Variants in ITGA10 observed in about 807,000 individuals in gnomAD.
ITGA10 encodes integrin alpha-10.
Under a neutral mutation model 145.2 loss-of-function variants are expected in ITGA10, and 105 were observed. The ratio of observed to expected loss-of-function variants is 0.72; its 90% CI spans 0.62 to 0.85. The LOEUF is 0.85. Ranked by LOEUF, ITGA10 falls within the 40% of genes least tolerant of loss-of-function variation. The pLI is 0.00. For synonymous variants in ITGA10, 506 were observed against 557.8 expected, an observed-to-expected ratio of 0.91 and a Z score of 1.31; for missense variants, 1,317 against 1,444.5, an observed-to-expected ratio of 0.91 and a Z score of 1.43.
chr1:145,894,177 T>C (rs1655073868), intron 27 of ITGA10, among the ~76,000 whole-genome samples: 1 of 149,946 alleles, frequency 6.7e-6, no homozygotes, highest in African/African-American at 2.5e-5. Context: ...AGTGGCGTGA[T>C]CTCGGCTCAC....
At position 145,893,585 on chromosome 1, in the gene ITGA10, T is replaced by G; in HGVS notation, c.3279A>C (p.Glu1093Asp). Residue 1093 changes from glutamate to aspartate, a missense_variant, in exon 28 of 30, where the codon GAA (glutamate) becomes GAC (aspartate). Glu to Asp is a conservative substitution (Grantham distance 45, BLOSUM62 2). Coordinates refer to ENST00000369304, the MANE Select transcript of ITGA10 (RefSeq NM_003637.5). The part of the protein sequence containing the change: ...TVVSTFELGT[E>D]EGSVLQLTEA... Reference sequence around the variant, plus strand: ...CAGTCAGCTGTAGGACACTGCCCTCTTCGGTTCCCAGCTCAAAGGTGCTGA... The same window carrying G: ...CAGTCAGCTGTAGGACACTGCCCTCGTCGGTTCCCAGCTCAAAGGTGCTGA... 7 of 1,613,490 alleles carry G rather than the reference T, an allele frequency of 4.3e-6. No individual in the cohort carries two copies. The highest frequency in any genetic ancestry group is 5.9e-6 in the Non-Finnish European group (7 of 1,179,778).
At chr1:145,906,343 C>T in intron 5 of ITGA10, 51 bp downstream of exon 5, 1 of 1,405,792 alleles carries the variant, frequency 7.1e-7, no homozygotes, top group Non-Finnish European at 1.0e-6. Flanking sequence ...ATCTTTTTCC[C>T]ACCCAGTATC....
At chr1:145,898,899 A>G (rs1553746444) in intron 17 of ITGA10, 37 bp downstream of exon 17, 5 of 1,588,218 alleles carry the variant, frequency 3.1e-6, no homozygotes, top group Non-Finnish European at 4.3e-6. Flanking sequence ...CCTCATTCTC[A>G]GGCCCTGATG....
In ITGA10 at chr1:145,901,039, C is replaced by T; in HGVS notation, c.1588-46G>A. The T allele has an allele frequency of 6.2e-7, 1 of 1,613,128 alleles. No homozygotes were observed. The highest frequency in any genetic ancestry group is 8.5e-7 in the Non-Finnish European group (1 of 1,179,234). ...GAAGATGCTAATCTGGCAGACCCAA[C>T]CTCTCAGCAAACCCTCAAATATGTG... On this transcript the variant is annotated intron_variant, in intron 13 of 29. Coordinates refer to ENST00000369304, the MANE Select transcript of ITGA10 (RefSeq NM_003637.5). The surrounding 1 kb of genome is among the most constrained non-coding windows in gnomAD (Gnocchi z 4.3).
In ITGA10 at chr1:145,892,752, C is replaced by T. The variant is rs782146950; in HGVS notation, c.*46G>A. 2 of 1,454,790 alleles carry T rather than the reference C, an allele frequency of 1.4e-6. No homozygotes were observed. Among genetic ancestry groups the T allele is most frequent in the South Asian group, 2.3e-5 (2 of 87,440 alleles). The allele number at this position is 1,454,790 out of a possible 1,614,324, so 90.1% of individuals were successfully genotyped here. On this transcript the variant is annotated 3_prime_UTR_variant, in exon 30 of 30. Coordinates refer to ENST00000369304, the MANE Select transcript of ITGA10 (RefSeq NM_003637.5). Reference sequence around the variant, plus strand: ...CAAACCTCTGCTTTTATGCAAGTCTCTTGAAGAAGCTGCCAGGGAGGACTT... The same window carrying T: ...CAAACCTCTGCTTTTATGCAAGTCTTTTGAAGAAGCTGCCAGGGAGGACTT...
At position 145,892,260 on chromosome 1, in the gene ITGA10, T is replaced by C. The variant is rs1553743397; in HGVS notation, c.*538A>G. ...GTGGCTTTTCCTCCTCCCTCCTTTT[T>C]TCCTGTTGACTCTCCCCATCCGGCT... On this transcript the variant is annotated 3_prime_UTR_variant, in exon 30 of 30. Coordinates refer to ENST00000369304, the MANE Select transcript of ITGA10 (RefSeq NM_003637.5). 6.5e-6 allele frequency: 1 copy of C among 153,382 alleles called. No individual in the cohort carries two copies. Among genetic ancestry groups the C allele is most frequent in the Admixed American group, 6.5e-5 (1 of 15,332 alleles). 9.5% of individuals were successfully genotyped at this position (153,382 alleles called of 1,614,324 possible).
rs1275558868 is a variant in ITGA10, at chr1:145,892,481, CA to C, written c.*316del. 1.5e-5 allele frequency: 4 copies of C among 263,684 alleles called. No homozygotes were observed. The highest frequency in any genetic ancestry group is 1.5e-4 in the East Asian group (2 of 13,668). The allele number at this position is 263,684 out of a possible 1,614,324, so 16.3% of individuals were successfully genotyped here. On this transcript the variant is annotated 3_prime_UTR_variant, in exon 30 of 30. Coordinates refer to ENST00000369304, the MANE Select transcript of ITGA10 (RefSeq NM_003637.5). ...ATCTGAAAGGAGTCAGGCACCTAGG[CA>C]AAAAAATTATTGATTCCTGGGGATA...
intron 27 of ITGA10, among the ~76,000 whole-genome samples, chr1:145,894,194 C>T (rs782665138): frequency 1.3e-5 from 2 of 149,854 alleles, no homozygotes; most frequent in Non-Finnish European, 3.0e-5. Flanking sequence ...TCACTGCAAA[C>T]TCCATCTCTC....
chr1:145,898,371 T>G, intron 17 of ITGA10, 148 bp from the exon 18 acceptor site: 1 of 282,518 alleles, frequency 3.5e-6, no homozygotes, highest in East Asian at 6.6e-5. Flanking sequence ...ATTTATTTAT[T>G]TATTTATTTA....
Position 145,893,652 on chromosome 1 carries a change from T to G in ITGA10, c.3229-17A>C, listed in dbSNP as rs1423388915. ...GAACTTGGCCTATGGAACAAGTGGA[T>G]AGGAAGACATTTAAAATGAGCCATT... is the stretch of plus-strand genomic sequence containing the variant. On this transcript the variant is annotated splice_polypyrimidine_tract_variant and intron_variant, in intron 27 of 29. Coordinates refer to ENST00000369304, the MANE Select transcript of ITGA10 (RefSeq NM_003637.5). 1.3e-6 allele frequency: 2 copies of G among 1,587,978 alleles called. No individual in the cohort carries two copies. The highest frequency in any genetic ancestry group is 2.7e-5 in the African/African-American group (2 of 74,264).
intron 1 of ITGA10, among the ~76,000 whole-genome samples, chr1:145,909,571 AATAT>A (rs1342349555): frequency 5.7e-4 from 77 of 135,648 alleles, no homozygotes; most frequent in African/African-American, 2.0e-3. Context: ...TATTATATAT[AATAT>A]ATAATTATGT....
At chr1:145,895,437 G>T in intron 26 of ITGA10, 44 bp from the exon 27 acceptor site, 5 of 1,520,520 alleles carry the variant, frequency 3.3e-6, no homozygotes, top group Non-Finnish European at 4.6e-6. Flanking sequence ...CTCTGGGGTA[G>T]AAACATCCTC....
rs782643200 is a variant in ITGA10 at position 145,901,941 on chromosome 1, G to T, written c.1230C>A (p.Phe410Leu). The T allele has an allele frequency of 6.2e-7, 1 of 1,614,134 alleles. No individual in the cohort carries two copies. Among genetic ancestry groups the T allele is most frequent in the East Asian group, 2.2e-5 (1 of 44,884 alleles). Residue 410 changes from phenylalanine (F) to leucine (L), a missense_variant, in exon 11 of 30, where the codon TTC (phenylalanine) becomes TTA (leucine). By Grantham distance (22) the Phe-to-Leu change is conservative (BLOSUM62 0). Coordinates refer to ENST00000369304, the MANE Select transcript of ITGA10 (RefSeq NM_003637.5). This position sits in a 1 kb window ranked among gnomAD's most constrained non-coding sequence, Gnocchi z 4.3. ...VLWLEGGHRLFPPRMALEDEF... is the reference protein window; with the variant it reads ...VLWLEGGHRLLPPRMALEDEF... ...CGTCTTCCAGTGCCATTCGTGGGGG[G>T]AAAAGGCGGTGGCCTCCTTCAAGCC...
rs1291903078 is a variant in ITGA10, at chr1:145,906,459, G to A, written c.416C>T (p.Ser139Phe). Residue 139 changes from serine (S) to phenylalanine (F), a missense_variant, in exon 5 of 30, where the codon TCT becomes TTT. By Grantham distance (155) the Ser-to-Phe change is radical (BLOSUM62 -2). Coordinates refer to ENST00000369304, the MANE Select transcript of ITGA10 (RefSeq NM_003637.5). ...AGCATCCACACGGGCACATATCCCA[G>A]AACTGAAGACAGAGCTGCCACAAGC... The part of the protein sequence containing the change: ...SRACGSSVFS[S>F]GICARVDASF... The A allele has an allele frequency of 6.2e-7, 1 of 1,613,984 alleles. No homozygotes were observed. The highest frequency in any genetic ancestry group is 1.3e-5 in the African/African-American group (1 of 74,902).
chr1:145,892,958 G>A lies in ITGA10; in HGVS notation c.3439-95C>T, dbSNP rs1407805734. ...TATCTGAGGTCTTCACTTTTGTTCT[G>A]TTTCCAAAAATGGAATTCAAATTTA... On this transcript the variant is annotated intron_variant, in intron 29 of 29. Transcript: ENST00000369304. The A allele has an allele frequency of 2.8e-6, 3 of 1,065,722 alleles. No individual in the cohort carries two copies. The Admixed American group carries it at 6.0e-5, about 21-fold the overall frequency. 66.0% of individuals were successfully genotyped at this position (1,065,722 alleles called of 1,614,324 possible).
chr1:145,896,241 C>A (rs1553745017), intron 24 of ITGA10, 27 bp downstream of exon 24: 1 of 1,582,266 alleles, frequency 6.3e-7, no homozygotes, highest in Non-Finnish European at 8.7e-7. Flanking sequence ...ACATTCTCCT[C>A]ATGCCAAGAC....
chr1:145,907,521 C>A (rs1657324655), intron 1 of ITGA10, 56 bp from the exon 2 acceptor site: 9 of 1,605,776 alleles, frequency 5.6e-6, no homozygotes, highest in Admixed American at 3.4e-5. Context: ...AGAGGCACAG[C>A]CCGAGAGAAG....
chr1:145,901,598 A>G lies in ITGA10; in HGVS notation c.1361T>C (p.Phe454Ser). 1 of 1,607,354 alleles carries G rather than the reference A, an allele frequency of 6.2e-7. No homozygotes were observed. Among genetic ancestry groups the G allele is most frequent in the Non-Finnish European group, 8.5e-7 (1 of 1,177,218 alleles). Residue 454 changes from phenylalanine (F) to serine (S), a missense_variant, in exon 12 of 30, where the codon TTT becomes TCT. Transcript: ENST00000369304. The surrounding 1 kb of genome is among the most constrained non-coding windows in gnomAD (Gnocchi z 4.3). ...GGCGATGACTTTTCCTCGATGTCTA[A>G]ATCGAGGAGCCCCAGAGAGAAACAG... ...RRLFLSGAPR[F>S]RHRGKVIAFQ...
chr1:145,901,496 C>A lies in ITGA10; in HGVS notation c.1443+20G>T, dbSNP rs200866220. Reference sequence around the variant, plus strand: ...GGTCCCTGGGAATCCAAAGGTCCCACCCTTCCTTGGATGCCCTACCTGCTC... The same window carrying A: ...GGTCCCTGGGAATCCAAAGGTCCCAACCTTCCTTGGATGCCCTACCTGCTC... On this transcript the variant is annotated intron_variant, in intron 12 of 29. Transcript: ENST00000369304. This position sits in a 1 kb window ranked among gnomAD's most constrained non-coding sequence, Gnocchi z 4.3. The A allele has an allele frequency of 3.4e-4, 521 of 1,548,996 alleles. No individual in the cohort carries two copies. Among genetic ancestry groups the A allele is most frequent in the Non-Finnish European group, 4.1e-4 (476 of 1,150,660 alleles).
Sources: gnomAD v4.1 joint callset for allele counts (sites outside exome capture counted in the v4.1 genomes callset) on GRCh38, gnomAD v4.1.1 for gene constraint, Gnocchi (gnomAD v3.1) non-coding constraint, MANE v1.5 for transcripts, NCBI Gene and HGNC (gene_info 2026-07-23, HGNC 2026-07-21) for gene names.